PCDHGA6: variants seen among roughly 807,000 people sequenced by gnomAD.
PCDHGA6 encodes protocadherin gamma-A6.
A neutral mutation model predicts 60.6 loss-of-function variants in PCDHGA6; 41 were observed. The observed-to-expected ratio is 0.68, with a 90% CI of 0.53 to 0.88. The LOEUF is 0.88. PCDHGA6 is among the 40% of genes least tolerant of loss of function. PCDHGA6 has a pLI of 0.00. For missense variants in PCDHGA6, 1,312 were observed against 1,203.0 expected (o/e 1.09, Z -1.34); for synonymous variants, 594 against 524.4 (o/e 1.13, Z -1.81).
chr5:141,398,707 C>T, intron 1 of PCDHGA6: 1 of 1,613,860 alleles, frequency 6.2e-7, no homozygotes, highest in Non-Finnish European at 8.5e-7. Flanking sequence ...ATACCCGGAA[C>T]TGGCACTGGA....
intron 1 of PCDHGA6, among the ~76,000 whole-genome samples, chr5:141,458,982 C>G (rs2098958289): frequency 6.6e-6 from 1 of 152,164 alleles, no homozygotes; most frequent in Admixed American, 6.5e-5. Flanking sequence ...GTCCTCCTGC[C>G]TCACCCTCCC....
At chr5:141,402,999 T>TATG in intron 1 of PCDHGA6, 1 of 1,613,984 alleles carries the variant, frequency 6.2e-7, no homozygotes, top group Non-Finnish European at 8.5e-7. Context: ...TTAGTCCTGC[T>TATG]ATGCTCGCTC....
At chr5:141,423,754 GGGGGGGT>G in intron 1 of PCDHGA6, 1 of 577,826 alleles carries the variant, frequency 1.7e-6, no homozygotes, top group Non-Finnish European at 2.2e-6. Flanking sequence ...ACTGTTTGGG[GGGGGGGT>G]GGGGCGGCAT....
intron 1 of PCDHGA6, among the ~76,000 whole-genome samples, chr5:141,450,005 T>A (rs1439257597): frequency 1.0e-5 from 1 of 99,604 alleles, no homozygotes; most frequent in Non-Finnish European, 1.8e-5. Context: ...TTGCCATGTC[T>A]CTTTTTTTTT....
intron 1 of PCDHGA6, chr5:141,395,603 G>C: frequency 5.0e-6 from 1 of 198,204 alleles, no homozygotes; most frequent in Non-Finnish European, 1.0e-5. Context: ...TCCCAAACTA[G>C]AACTTCAGAA....
At chr5:141,418,655 G>A in intron 1 of PCDHGA6, 5 of 1,614,002 alleles carry the variant, frequency 3.1e-6, no homozygotes, top group Non-Finnish European at 4.2e-6. Flanking sequence ...GAGAGTGAAG[G>A]CCACTGACCA....
chr5:141,444,152 ATTTTTTTTTTTTTTTTTTTTTTTTT>A (rs747671382), intron 1 of PCDHGA6, among the ~76,000 whole-genome samples: 1 of 33,882 alleles, frequency 3.0e-5, no homozygotes, highest in Non-Finnish European at 5.2e-5. Context: ...TGTGTACTGG[ATTTTTTTTTTTTTTTTTTTTTTTTT>A]TTTTTTTTTT....
At chr5:141,415,176 C>A in intron 1 of PCDHGA6, 2 of 1,613,934 alleles carry the variant, frequency 1.2e-6, no homozygotes, top group Non-Finnish European at 1.7e-6. Context: ...TCACCGTGGC[C>A]GTGGCCGACA....
At chr5:141,452,421 C>A (rs1211472567) in intron 1 of PCDHGA6, among the ~76,000 whole-genome samples, 2 of 152,180 alleles carry the variant, frequency 1.3e-5, no homozygotes, top group Non-Finnish European at 2.9e-5. Context: ...ATGCTCACTG[C>A]TAATGGGCTG....
chr5:141,443,309 C>T (rs2098379780), intron 1 of PCDHGA6, among the ~76,000 whole-genome samples: 1 of 131,436 alleles, frequency 7.6e-6, no homozygotes, highest in African/African-American at 3.4e-5. Flanking sequence ...GGCAAAAACC[C>T]ATCTCTACAA....
chr5:141,390,215 A>G, intron 1 of PCDHGA6: 1 of 1,614,038 alleles, frequency 6.2e-7, no homozygotes. Flanking sequence ...GACAAGACAT[A>G]CTTTGCGGTG....
chr5:141,405,398 C>A, intron 1 of PCDHGA6: 1 of 1,590,262 alleles, frequency 6.3e-7, no homozygotes, highest in Non-Finnish European at 8.6e-7. Flanking sequence ...TTTTTTCTTT[C>A]TTTCTTTTCT....
At chr5:141,394,306 G>T in intron 1 of PCDHGA6, 1 of 1,613,958 alleles carries the variant, frequency 6.2e-7, no homozygotes, top group Non-Finnish European at 8.5e-7. Context: ...ACGCTGCAGG[G>T]GGCGCCCCTG....
chr5:141,388,453 A>G (rs556619446), intron 1 of PCDHGA6: 1 of 1,613,846 alleles, frequency 6.2e-7, no homozygotes, highest in East Asian at 2.2e-5. Flanking sequence ...GATGGCAGTA[A>G]ATACCCTGAG....
Position 141,408,151 on chromosome 5 carries a change from T to G in PCDHGA6, c.2424+31644T>G, listed in dbSNP as rs2154539780. ...CGAATGCTCTTTTAGCGCGGTAGAG[T>G]GCACTTTCTCCAACTGGAAAAGCGG... On this transcript the variant is annotated intron_variant, in intron 1 of 3. Transcript: ENST00000517434. 3.3e-6 allele frequency: 5 copies of G among 1,506,938 alleles called. No individual in the cohort carries two copies. In the East Asian group the frequency reaches 1.2e-4, roughly 37 times the overall value. 93.3% of individuals were successfully genotyped at this position (1,506,938 alleles called of 1,614,324 possible). A position where few individuals can be genotyped will look rare whatever the true frequency, so the allele number is the denominator to read the frequency against.
At chr5:141,409,172 G>A in intron 1 of PCDHGA6, 8 of 1,614,006 alleles carry the variant, frequency 5.0e-6, no homozygotes, top group Non-Finnish European at 6.8e-6. Context: ...AGCGAAGGAC[G>A]GAGGTGGTCT....
rs752999009 is a variant in PCDHGA6, at chr5:141,409,899, C to T, written c.2424+33392C>T. 4 of 1,613,152 alleles carry T rather than the reference C, an allele frequency of 2.5e-6. No individual in the cohort carries two copies. The East Asian group carries it at 8.9e-5, about 36-fold the overall frequency. ...AACGCACCGCGGGTGCTGTACCCAG[C>T]TCTGGGTCCTGACGGCTCCGCGTTC... On this transcript the variant is annotated intron_variant, in intron 1 of 3. Coordinates refer to ENST00000517434, the MANE Select transcript of PCDHGA6 (RefSeq NM_018919.3).
chr5:141,415,967 C>A, intron 1 of PCDHGA6: 1 of 389,100 alleles, frequency 2.6e-6, no homozygotes, highest in Non-Finnish European at 4.2e-6. Context: ...AACTCCAGCC[C>A]CTTAAGCAAC....
chr5:141,478,671 A>G (rs996413401), intron 1 of PCDHGA6: 19 of 1,551,538 alleles, frequency 1.2e-5, no homozygotes, highest in Non-Finnish European at 1.7e-5. Context: ...TCACACTTTC[A>G]ACTGGCCCTT....
Sources: allele counts gnomAD v4.1 joint callset (sites outside exome capture counted in the v4.1 genomes callset), GRCh38; gene constraint gnomAD v4.1.1; transcripts MANE v1.5; gene names NCBI Gene and HGNC (gene_info 2026-07-23, HGNC 2026-07-21).